The following SLC35D2 variants were observed in gnomAD, a reference collection of about 807,000 sequenced individuals.
The protein encoded by SLC35D2 is solute carrier family 35 member D2.
SLC35D2 carries 43 observed loss-of-function variants against 41.8 expected under a neutral mutation model. The observed-to-expected ratio is 1.03, with a 90% confidence interval of 0.81 to 1.33. The LOEUF is 1.33. Among genes scored for constraint, SLC35D2 ranks in the 40% most tolerant of loss-of-function variants. The pLI, the probability that SLC35D2 is intolerant of heterozygous loss-of-function variation, is 0.00. For synonymous variants in SLC35D2, 150 were observed against 163.9 expected, an observed-to-expected ratio of 0.92 and a Z score of 0.65; for missense variants, 380 against 408.4, an observed-to-expected ratio of 0.93 and a Z score of 0.60.
chr9:96,361,827 C>T (rs1282853530), intron 3 of SLC35D2, among the ~76,000 whole-genome samples: 1 of 152,142 alleles, frequency 6.6e-6, no homozygotes, highest in Non-Finnish European at 1.5e-5. Context: ...AAAGCCTCAC[C>T]AGAAGTCAAC....
At chr9:96,326,528 G>A (rs1262410983) in intron 9 of SLC35D2, among the ~76,000 whole-genome samples, 1 of 152,196 alleles carries the variant, frequency 6.6e-6, no homozygotes, top group Non-Finnish European at 1.5e-5. Context: ...TTTCGGCCAG[G>A]TGTGGTGGCT....
intron 1 of SLC35D2, among the ~76,000 whole-genome samples, chr9:96,377,632 A>G (rs1831012990): frequency 6.6e-6 from 1 of 152,204 alleles, no homozygotes; most frequent in African/African-American, 2.4e-5. Context: ...CCACATTGTT[A>G]TTTTGACTTT....
In SLC35D2 at chr9:96,345,474, AC is replaced by A. The variant is rs1210487668; in HGVS notation, c.489-74del. The A allele has an allele frequency of 2.9e-5, 24 of 817,170 alleles. No homozygotes were observed. In the African/African-American group the frequency reaches 3.5e-4, roughly 12 times the overall value. The allele number at this position is 817,170 out of a possible 1,614,324, so 50.6% of individuals were successfully genotyped here. ...CTTGGCCTCCAAGCCCGCCTGATCT[AC>A]CTTTCCCTAATCAAACCCACTTTTC... is the stretch of plus-strand genomic sequence containing the variant. On this transcript the variant is annotated intron_variant, in intron 6 of 11. Transcript: ENST00000253270.
At chr9:96,367,769 C>T (rs1329987895) in intron 2 of SLC35D2, among the ~76,000 whole-genome samples, 1 of 147,946 alleles carries the variant, frequency 6.8e-6, no homozygotes, top group Non-Finnish European at 1.5e-5. Context: ...GCGACAAGAA[C>T]AAAACTCCGT....
At chr9:96,333,676 A>G (rs1034984095) in intron 9 of SLC35D2, among the ~76,000 whole-genome samples, 3 of 151,674 alleles carry the variant, frequency 2.0e-5, no homozygotes, top group Admixed American at 1.3e-4. Flanking sequence ...GGAGGGTAAC[A>G]GCTCACAGCG....
chr9:96,331,167 G>A (rs1828791545), intron 9 of SLC35D2, among the ~76,000 whole-genome samples: 1 of 152,122 alleles, frequency 6.6e-6, no homozygotes, highest in South Asian at 2.1e-4. Context: ...CAAAGTGCTG[G>A]GATTACAGGC....
intron 1 of SLC35D2, among the ~76,000 whole-genome samples, chr9:96,377,958 G>A (rs140904303): frequency 6.6e-6 from 1 of 152,204 alleles, no homozygotes; most frequent in Admixed American, 6.6e-5. Flanking sequence ...CTCCATCAAG[G>A]GGGGTGAAGG....
rs750572020 is a variant in SLC35D2, at chr9:96,343,907, T to C, written c.681A>G (p.Gln227=). 14 of 1,535,500 alleles carry C rather than the reference T, an allele frequency of 9.1e-6. 2 individuals are homozygous for C. Among genetic ancestry groups the C allele is most frequent in the Non-Finnish European group, 1.2e-5 (14 of 1,144,774 alleles). The change falls in exon 8 of 12, where the codon CAA becomes CAG. Residue 227 remains glutamine, a synonymous_variant. Coordinates refer to ENST00000253270, the MANE Select transcript of SLC35D2 (RefSeq NM_007001.3). The part of the protein sequence containing the change: ...LIISVSTGDL[Q]QATEFNQWKN... ...GTAATGATTGTCATCAGCTCACCTG[T>C]TGCAGGTCTCCAGTGGAGACACTAA...
At position 96,383,594 on chromosome 9, in the gene SLC35D2, C is replaced by A. The variant is rs1180985724; in HGVS notation, c.41G>T (p.Gly14Val). Residue 14 changes from glycine (G) to valine (V), a missense_variant, in exon 1 of 12, where the codon GGG (glycine) becomes GTG (valine). Transcript: ENST00000253270. ...GGQAEAEGAGGEPGAARLPSR... is the reference protein window; with the variant it reads ...GGQAEAEGAGVEPGAARLPSR... Reference sequence around the variant, plus strand: ...GGGCAGCCGCGCCGCGCCGGGCTCCCCGCCAGCGCCCTCGGCCTCGGCCTG... The same window carrying A: ...GGGCAGCCGCGCCGCGCCGGGCTCCACGCCAGCGCCCTCGGCCTCGGCCTG... 2.8e-6 allele frequency: 4 copies of A among 1,405,782 alleles called. No individual in the cohort carries two copies. Among genetic ancestry groups the A allele is most frequent in the Non-Finnish European group, 3.7e-6 (4 of 1,078,840 alleles). 87.1% of individuals were successfully genotyped at this position (1,405,782 alleles called of 1,614,324 possible). A position where few individuals can be genotyped will look rare whatever the true frequency, so the allele number is the denominator to read the frequency against.
chr9:96,356,570 T>C (rs984923525), intron 4 of SLC35D2, among the ~76,000 whole-genome samples: 25 of 145,370 alleles, frequency 1.7e-4, no homozygotes, highest in African/African-American at 5.8e-4. Flanking sequence ...GGTTTAAAGA[T>C]ATCTAGATAG....
downstream of SLC35D2, among the ~76,000 whole-genome samples, chr9:96,317,137 C>G (rs1301341644): frequency 7.6e-6 from 1 of 131,584 alleles, no homozygotes; most frequent in Non-Finnish European, 1.7e-5. Flanking sequence ...GACTCCCTCT[C>G]AAAAAAAAAA....
At chr9:96,353,112 A>C (rs1829875757) in intron 4 of SLC35D2, among the ~76,000 whole-genome samples, 1 of 152,170 alleles carries the variant, frequency 6.6e-6, no homozygotes, top group Admixed American at 6.6e-5. Context: ...CCACATGCAT[A>C]AATGTGTTCA....
chr9:96,358,080 T>TATATATATATATATA lies in SLC35D2; in HGVS notation c.347+2073_347+2074insTATATATATATATAT, dbSNP rs1554715405. Among the ~76,000 whole-genome samples, 428 of 122,568 alleles carry TATATATATATATATA rather than the reference T, an allele frequency of 3.5e-3. 16 individuals are homozygous for TATATATATATATATA. The highest frequency in any genetic ancestry group is 0.012 in the Middle Eastern group (3 of 246). The allele number at this position is 122,568 out of a possible 152,430, so 80.4% of individuals were successfully genotyped here. The stretch of plus-strand genomic sequence containing the variant: ...ATGGATAAACAAAATATTATATATT[T>TATATATATATATATA]TATATATATATATATATATATATAT... On this transcript the variant is annotated intron_variant, in intron 4 of 11. Coordinates refer to ENST00000253270, the MANE Select transcript of SLC35D2 (RefSeq NM_007001.3).
At position 96,324,151 on chromosome 9, in the gene SLC35D2, G is replaced by A; in HGVS notation, c.771C>T (p.Ser257=). 1 of 1,613,870 alleles carries A rather than the reference G, an allele frequency of 6.2e-7. No individual in the cohort carries two copies. Among genetic ancestry groups the A allele is most frequent in the East Asian group, 2.2e-5 (1 of 44,860 alleles). Reference sequence around the variant, plus strand: ...AATTGTAATAGCTGCACAGAACCGTGGAGTACATCAGCAGAAACCTGTGAC... The same window carrying A: ...AATTGTAATAGCTGCACAGAACCGTAGAGTACATCAGCAGAAACCTGTGAC... ...SCFLGFLLMY[S]TVLCSYYNSA... Residue 257 remains serine, a synonymous_variant, in exon 10 of 12, where the codon TCC becomes TCT. Coordinates refer to ENST00000253270, the MANE Select transcript of SLC35D2 (RefSeq NM_007001.3).
chr9:96,324,163 C>G lies in SLC35D2; in HGVS notation c.759G>C (p.Leu253=). 1 of 1,613,702 alleles carries G rather than the reference C, an allele frequency of 6.2e-7. No homozygotes were observed. Among genetic ancestry groups the G allele is most frequent in the South Asian group, 1.1e-5 (1 of 91,032 alleles). ...TGCACAGAACCGTGGAGTACATCAG[C>G]AGAAACCTGTGACAAGGAAGCAGAC... ...QFLLSCFLGF[L]LMYSTVLCSY... is the part of the protein sequence containing the mutation. Residue 253 remains leucine, a synonymous_variant, in exon 10 of 12, where the codon CTG becomes CTC. Transcript: ENST00000253270.
intron 8 of SLC35D2, among the ~76,000 whole-genome samples, chr9:96,339,017 A>G (rs1829182779): frequency 6.6e-6 from 1 of 152,272 alleles, no homozygotes; most frequent in Non-Finnish European, 1.5e-5. Context: ...TAAGAAATAA[A>G]TAAAAACTCT....
At chr9:96,378,940 G>C (rs1831070758) in intron 1 of SLC35D2, among the ~76,000 whole-genome samples, 1 of 151,354 alleles carries the variant, frequency 6.6e-6, no homozygotes, top group Non-Finnish European at 1.5e-5. Context: ...AAAGAAAGAA[G>C]AGAAAAAACT....
intron 8 of SLC35D2, among the ~76,000 whole-genome samples, chr9:96,342,262 C>T (rs1158054992): frequency 2.0e-5 from 3 of 152,076 alleles, no homozygotes; most frequent in African/African-American, 7.2e-5. Context: ...AGGCACCCGC[C>T]ACCATGCCTG....
rs1828392052 is a variant in SLC35D2 at position 96,324,084 on chromosome 9, C to T, written c.831+7G>A. On this transcript the variant is annotated splice_region_variant and intron_variant, in intron 10 of 11. Coordinates refer to ENST00000253270, the MANE Select transcript of SLC35D2 (RefSeq NM_007001.3). ...AGTTGTTCCCTTCCAAGTTTCCATC[C>T]ACTCACCTTGATGGCTCCAACCACT... 1.2e-6 allele frequency: 2 copies of T among 1,610,204 alleles called. No homozygotes were observed. Among genetic ancestry groups the T allele is most frequent in the Non-Finnish European group, 1.7e-6 (2 of 1,176,614 alleles).
Sources: gnomAD v4.1 joint callset for allele counts (sites outside exome capture counted in the v4.1 genomes callset) on GRCh38, gnomAD v4.1.1 for gene constraint, MANE v1.5 for transcripts, NCBI Gene and HGNC (gene_info 2026-07-23, HGNC 2026-07-21) for gene names.